The following NDUFS7 variants were observed in gnomAD, a reference collection of about 807,000 sequenced individuals.
The protein encoded by NDUFS7 is NADH dehydrogenase [ubiquinone] iron-sulfur protein 7, mitochondrial.
A neutral mutation model predicts 31.1 loss-of-function variants in NDUFS7; 11 were observed. The observed-to-expected ratio is 0.35, with a 90% CI of 0.22 to 0.59. NDUFS7 has a LOEUF of 0.59. NDUFS7 is among the 20% of genes least tolerant of loss of function. NDUFS7 has a pLI of 0.79. For synonymous variants in NDUFS7, 136 were observed against 127.9 expected (o/e 1.06, Z -0.43); for missense variants, 263 against 324.2 (o/e 0.81, Z 1.45).
chr19:1,384,452 C>T (rs1201962814), intron 1 of NDUFS7, among the ~76,000 whole-genome samples: 1 of 152,240 alleles, frequency 6.6e-6, no homozygotes, highest in Non-Finnish European at 1.5e-5. Flanking sequence ...TGTCCTGCTC[C>T]AGGGACTTTT....
rs982824073 is a variant in NDUFS7 at position 1,393,888 on chromosome 19, C to G, written c.544+558C>G. On this transcript the variant is annotated intron_variant, in intron 7 of 7. Coordinates refer to ENST00000233627, the MANE Select transcript of NDUFS7 (RefSeq NM_024407.5). The surrounding 1 kb of genome is among the most constrained non-coding windows in gnomAD (Gnocchi z 7.3). ...ACTAAAAAGAGCATTGGCTGCATAC[C>G]TGAAATTCACATCGCACCGGGAACA... The G allele has an allele frequency of 8.4e-6, 2 of 237,178 alleles. No individual in the cohort carries two copies. Among genetic ancestry groups the G allele is most frequent in the Admixed American group, 5.1e-5 (1 of 19,554 alleles). The allele number at this position is 237,178 out of a possible 1,614,324, so 14.7% of individuals were successfully genotyped here.
chr19:1,389,167 TTGCACACACA>T (rs753050014), intron 4 of NDUFS7: 84 of 694,634 alleles, frequency 1.2e-4, no homozygotes, highest in South Asian at 2.6e-4. Flanking sequence ...ACATGCACAC[TTGCACACACA>T]TGCACACACA....
Position 1,395,472 on chromosome 19 carries a change from T to A in NDUFS7, c.626T>A (p.Ile209Asn), listed in dbSNP as rs201895331. ...ATCAAGCGGGAGCGGAGGCTGCAGA[T>A]CTGGTACCGCAGGTAGCGCCGCCGC... ...RKIKRERRLQ[I>N]WYRR The change falls in exon 8 of 8, where the codon ATC (isoleucine) becomes AAC (asparagine). Residue 209 changes from isoleucine (I) to asparagine (N), a missense_variant. Ile to Asn is a moderately radical substitution (Grantham distance 149). Coordinates refer to ENST00000233627, the MANE Select transcript of NDUFS7 (RefSeq NM_024407.5). 1 of 1,592,752 alleles carries A rather than the reference T, an allele frequency of 6.3e-7. No homozygotes were observed. Among genetic ancestry groups the A allele is most frequent in the Admixed American group, 1.8e-5 (1 of 55,980 alleles).
In NDUFS7 at chr19:1,395,508, G is replaced by A. The variant is rs780508892; in HGVS notation, c.*20G>A. 3.1e-5 allele frequency: 49 copies of A among 1,559,752 alleles called. No individual in the cohort carries two copies. The highest frequency in any genetic ancestry group is 1.4e-4 in the Admixed American group (7 of 51,460). On this transcript the variant is annotated 3_prime_UTR_variant, in exon 8 of 8. Coordinates refer to ENST00000233627, the MANE Select transcript of NDUFS7 (RefSeq NM_024407.5). ...AGGTAGCGCCGCCGCCGCCGCCGCC[G>A]GAGCCTGTCGCCGTCCTGTCCCCAG...
In NDUFS7 at chr19:1,393,281, G is replaced by T; in HGVS notation, c.495G>T (p.Ser165=). Residue 165 remains serine, a synonymous_variant, in exon 7 of 8, where the codon TCG becomes TCT. Coordinates refer to ENST00000233627, the MANE Select transcript of NDUFS7 (RefSeq NM_024407.5). The surrounding 1 kb of genome is among the most constrained non-coding windows in gnomAD (Gnocchi z 7.3). ...NGGGYYHYSY[S]VVRGCDRIVP... is the part of the protein sequence containing the mutation. ...GAGGCTACTACCACTATTCCTACTC[G>T]GTGGTGAGGGGCTGCGACCGCATCG... The T allele has an allele frequency of 6.3e-7, 1 of 1,588,602 alleles. No homozygotes were observed. The highest frequency in any genetic ancestry group is 8.6e-7 in the Non-Finnish European group (1 of 1,168,554).
intron 2 of NDUFS7, 187 bp downstream of exon 2, chr19:1,388,034 G>T (rs146318450): frequency 2.5e-5 from 17 of 680,482 alleles, no homozygotes; most frequent in Middle Eastern, 3.9e-4. Flanking sequence ...GACAGTCCAC[G>T]CAGTGGCAAA....
chr19:1,389,312 C>T, intron 4 of NDUFS7: 1 of 479,522 alleles, frequency 2.1e-6, no homozygotes, highest in Non-Finnish European at 4.1e-6. Flanking sequence ...CACAGTCATG[C>T]ACACACATGC....
rs1341443891 is a variant in NDUFS7, at chr19:1,387,911, CGGGGGGGGTGGGGGGT to C, written c.53+71_53+86del. On this transcript the variant is annotated intron_variant, in intron 2 of 7. Coordinates refer to ENST00000233627, the MANE Select transcript of NDUFS7 (RefSeq NM_024407.5). The stretch of plus-strand genomic sequence containing the variant: ...CTTCAGCAGCGACAGACGAACGGGG[CGGGGGGGGTGGGGGGT>C]GGGGGGAGCGCCTTGTTGAAGGTCA... The C allele has an allele frequency of 5.4e-5, 7 of 128,994 alleles. 1 individual carries two copies. Among genetic ancestry groups the C allele is most frequent in the South Asian group, 3.5e-4 (3 of 8,576 alleles). 8.0% of individuals were successfully genotyped at this position (128,994 alleles called of 1,614,324 possible).
chr19:1,394,868 C>G, intron 7 of NDUFS7: 4 of 1,132,616 alleles, frequency 3.5e-6, no homozygotes, highest in Non-Finnish European at 4.4e-6. Context: ...GCCCTTTGTT[C>G]TGAACCTGCG....
intron 1 of NDUFS7, among the ~76,000 whole-genome samples, chr19:1,384,963 C>T (rs1255788343): frequency 2.0e-5 from 3 of 152,106 alleles, no homozygotes; most frequent in African/African-American, 4.8e-5. Context: ...CACAGGTGTG[C>T]GCCACCATGC....
intron 1 of NDUFS7, among the ~76,000 whole-genome samples, chr19:1,384,560 A>T (rs2082495340): frequency 6.6e-6 from 1 of 152,214 alleles, no homozygotes; most frequent in Non-Finnish European, 1.5e-5. Context: ...TTACACGGAG[A>T]GGCAGTTATT....
At chr19:1,390,719 G>A (rs1257840981) in intron 4 of NDUFS7, 152 bp from the exon 5 acceptor site, 25 of 785,460 alleles carry the variant, frequency 3.2e-5, no homozygotes, top group South Asian at 8.2e-5. Context: ...CTTGGGGCCC[G>A]GAGGCCACCT....
intron 1 of NDUFS7, chr19:1,386,890 C>T (rs34885619): frequency 0.47 from 71,841 of 152,186 alleles, 19,373 homozygotes; most frequent in Middle Eastern, 0.64. Flanking sequence ...TGGAGGGTCA[C>T]AGTTCAGCCG....
At position 1,391,171 on chromosome 19, in the gene NDUFS7, T is replaced by C. The variant is rs750959466; in HGVS notation, c.455+6T>C. The stretch of plus-strand genomic sequence containing the variant: ...TACGTGGTCTCCATGGGGAGGTGAG[T>C]GCAGGGCGGGGGGTCTCCAGGGACA... On this transcript the variant is annotated splice_donor_region_variant and intron_variant, in intron 6 of 7. Transcript: ENST00000233627. The C allele has an allele frequency of 3.1e-6, 5 of 1,611,300 alleles. No individual in the cohort carries two copies. The East Asian group carries it at 8.9e-5, about 29-fold the overall frequency.
intron 6 of NDUFS7, 135 bp downstream of exon 6, chr19:1,391,300 G>A (rs1048020823): frequency 7.9e-6 from 9 of 1,143,738 alleles, no homozygotes; most frequent in African/African-American, 3.1e-5. Context: ...CCCTTCAGCC[G>A]TCTCGGTGCC....
chr19:1,391,995 C>T (rs2082561255), intron 6 of NDUFS7: 2 of 150,972 alleles, frequency 1.3e-5, no homozygotes, highest in Admixed American at 1.3e-4. Context: ...ATTACAGGCA[C>T]CTGCCACCAC....
rs2074898 is a variant in NDUFS7 at position 1,391,362 on chromosome 19, A to G, written c.455+197A>G. Among the ~76,000 whole-genome samples the G allele has an allele frequency of 0.65, 98,286 of 151,800 alleles. 31,867 individuals carry two copies. The highest frequency in any genetic ancestry group is 0.7 in the South Asian group (3,369 of 4,796). ...GCCTCTCCCCAGAACGATTCCTCCC[A>G]TCCACCCCCACGCAGCAGACCCCAC... On this transcript the variant is annotated intron_variant, in intron 6 of 7. Transcript: ENST00000233627.
chr19:1,390,886 A>G lies in NDUFS7; in HGVS notation c.244A>G (p.Met82Val), dbSNP rs1420620942. The G allele has an allele frequency of 1.9e-6, 3 of 1,609,924 alleles. No individual in the cohort carries two copies. The highest frequency in any genetic ancestry group is 1.7e-5 in the Admixed American group (1 of 59,982). ...GCCTCCGCAGAGTTCTCTGTGGCCC[A>G]TGACCTTCGGCCTGGCCTGCTGCGC... is the stretch of plus-strand genomic sequence containing the variant. ...NWARRSSLWP[M>V]TFGLACCAVE... Residue 82 changes from methionine to valine, a missense_variant, in exon 5 of 8, where the codon ATG (methionine) becomes GTG (valine). By Grantham distance (21) the Met-to-Val change is conservative (BLOSUM62 1). Coordinates refer to ENST00000233627, the MANE Select transcript of NDUFS7 (RefSeq NM_024407.5).
chr19:1,389,996 C>T lies in NDUFS7; in HGVS notation c.229-875C>T, dbSNP rs564261218. The T allele has an allele frequency of 4.7e-3, 752 of 160,842 alleles. 6 individuals are homozygous for T. Among genetic ancestry groups the T allele is most frequent in the Non-Finnish European group, 6.3e-3 (464 of 73,586 alleles). 10.0% of individuals were successfully genotyped at this position (160,842 alleles called of 1,614,324 possible). A position where few individuals can be genotyped will look rare whatever the true frequency, so the allele number is the denominator to read the frequency against. On this transcript the variant is annotated intron_variant, in intron 4 of 7. Coordinates refer to ENST00000233627, the MANE Select transcript of NDUFS7 (RefSeq NM_024407.5). ...TCGGCTCACTGCATGCTCCGCTTGC[C>T]GGGTTCTCCTGCCTCAGCCTCCTAA...
Sources: allele counts gnomAD v4.1 joint callset (sites outside exome capture counted in the v4.1 genomes callset), GRCh38; gene constraint gnomAD v4.1.1; non-coding constraint Gnocchi (gnomAD v3.1); transcripts MANE v1.5; gene names NCBI Gene and HGNC (gene_info 2026-07-23, HGNC 2026-07-21).